Variants in NRG1 observed in about 807,000 individuals in gnomAD.
NRG1 encodes the protein neuregulin 1, also known as pro-neuregulin-1, membrane-bound isoform.
NRG1 carries 18 observed loss-of-function variants against 63.8 expected under a neutral mutation model. The observed-to-expected ratio is 0.28, with a 90% CI of 0.19 to 0.42. NRG1 has a LOEUF of 0.42. NRG1 is among the 10% of genes least tolerant of loss of function. NRG1 has a pLI of 1.00. For missense variants in NRG1, 762 were observed against 814.7 expected (o/e 0.94, Z 0.79); for synonymous variants, 302 against 301.3 (o/e 1.00, Z -0.02).
chr8:31,964,233 T>C (rs1805949579), intron 1 of NRG1, among the ~76,000 whole-genome samples: 1 of 152,186 alleles, frequency 6.6e-6, no homozygotes. Context: ...TGAATAATGT[T>C]GTGAAACAGA....
At chr8:32,356,234 G>T (rs1806369261) in intron 1 of NRG1, among the ~76,000 whole-genome samples, 1 of 152,178 alleles carries the variant, frequency 6.6e-6, no homozygotes. Flanking sequence ...TGTTAAAAAT[G>T]TTTAAAGTTC....
At chr8:32,143,251 GA>G (rs1836491477) in intron 1 of NRG1, among the ~76,000 whole-genome samples, 1 of 151,696 alleles carries the variant, frequency 6.6e-6, no homozygotes, top group Non-Finnish European at 1.5e-5. Flanking sequence ...TTTGGGGGGG[GA>G]AGAAATAATT....
intron 1 of NRG1, among the ~76,000 whole-genome samples, chr8:32,164,925 T>C (rs1839240190): frequency 6.6e-6 from 1 of 152,164 alleles, no homozygotes; most frequent in Admixed American, 6.5e-5. Flanking sequence ...GGAGTTACAA[T>C]GTCCCAAAGG....
intron 1 of NRG1, among the ~76,000 whole-genome samples, chr8:32,303,183 C>CAAAAAAAAAAAAAAAAAAAAAAAA (rs1563291349): frequency 6.7e-5 from 4 of 59,706 alleles, no homozygotes; most frequent in African/African-American, 1.5e-4. Context: ...AACTCAGTCT[C>CAAAAAAAAAAAAAAAAAAAAAAAA]CAAAAAAAAA....
intron 1 of NRG1, among the ~76,000 whole-genome samples, chr8:31,712,255 CTTTTTTTT>C (rs57363109): frequency 1.4e-5 from 1 of 72,352 alleles, no homozygotes; most frequent in African/African-American, 5.8e-5. Context: ...TCTTCATGAT[CTTTTTTTT>C]TTTTTTTTTT....
intron 1 of NRG1, among the ~76,000 whole-genome samples, chr8:31,811,462 C>A (rs1193791378): frequency 6.6e-6 from 1 of 152,116 alleles, no homozygotes; most frequent in African/African-American, 2.4e-5. Flanking sequence ...TGCACTTATT[C>A]TAAAATATGA....
At chr8:31,799,726 G>A (rs553817042) in intron 1 of NRG1, among the ~76,000 whole-genome samples, 2 of 151,928 alleles carry the variant, frequency 1.3e-5, no homozygotes, top group East Asian at 3.9e-4. Flanking sequence ...TTTTGTGTAT[G>A]CATAGATATA....
At chr8:32,312,288 T>C (rs199696497) in intron 1 of NRG1, among the ~76,000 whole-genome samples, 1 of 147,712 alleles carries the variant, frequency 6.8e-6, no homozygotes. Context: ...CTCAGCCTCC[T>C]GAGTAGCTGG....
intron 1 of NRG1, among the ~76,000 whole-genome samples, chr8:31,911,131 G>C (rs1285873210): frequency 6.6e-6 from 1 of 151,258 alleles, no homozygotes; most frequent in Admixed American, 6.6e-5. Flanking sequence ...GTTTCCATGA[G>C]TAGTTAAGCT....
At chr8:32,633,620 C>G (rs187153087) in intron 5 of NRG1, among the ~76,000 whole-genome samples, 117 of 152,238 alleles carry the variant, frequency 7.7e-4, no homozygotes, top group African/African-American at 2.7e-3. Flanking sequence ...AAATAGAATC[C>G]ATTATAAGAC....
intron 1 of NRG1, among the ~76,000 whole-genome samples, chr8:32,338,868 C>T (rs1377485785): frequency 3.9e-5 from 6 of 152,120 alleles, no homozygotes; most frequent in Non-Finnish European, 5.9e-5. Context: ...TTAAGCATCT[C>T]ACATCAGTTG....
chr8:32,310,855 T>C (rs1424449827), intron 1 of NRG1, among the ~76,000 whole-genome samples: 1 of 152,204 alleles, frequency 6.6e-6, no homozygotes, highest in African/African-American at 2.4e-5. Flanking sequence ...CTTGGACTTC[T>C]TCCCCCTCAC....
intron 1 of NRG1, among the ~76,000 whole-genome samples, chr8:32,312,828 TC>T (rs1340037617): frequency 2.0e-5 from 3 of 151,988 alleles, no homozygotes; most frequent in African/African-American, 7.3e-5. Flanking sequence ...CTGTTTGCCT[TC>T]CTTCCTTCCT....
chr8:31,892,136 G>A (rs980588924), intron 1 of NRG1, among the ~76,000 whole-genome samples: 1 of 151,964 alleles, frequency 6.6e-6, no homozygotes, highest in African/African-American at 2.4e-5. Context: ...CTGGGTAAAG[G>A]GCAAATGGAA....
At position 31,828,428 on chromosome 8, in the gene NRG1, C is replaced by T. The variant is rs543203949; in HGVS notation, c.37+188997C>T. 3.9e-5 allele frequency among the ~76,000 whole-genome samples: 6 copies of T among 152,140 alleles called. No homozygotes were observed. In the East Asian group the frequency reaches 5.8e-4, roughly 15 times the overall value. On this transcript the variant is annotated intron_variant, in intron 1 of 10. Coordinates refer to the NRG1 transcript ENST00000519301. ...CATTAAAGGGTCAAAATTATAGCTG[C>T]GTGGAGCTAAGGTCATGGCAGAACC...
chr8:32,469,680 A>G (rs1253404147), intron 1 of NRG1, among the ~76,000 whole-genome samples: 1 of 152,172 alleles, frequency 6.6e-6, no homozygotes, highest in Admixed American at 6.5e-5. Flanking sequence ...AAATTTGTAA[A>G]TTGTTAGGGA....
chr8:31,734,744 A>G (rs1275862753), intron 1 of NRG1, among the ~76,000 whole-genome samples: 1 of 152,200 alleles, frequency 6.6e-6, no homozygotes, highest in Non-Finnish European at 1.5e-5. Context: ...GGGCTGATAA[A>G]TGTGTGTGTT....
chr8:32,556,763 T>A (rs1835249992), intron 1 of NRG1, among the ~76,000 whole-genome samples: 1 of 152,198 alleles, frequency 6.6e-6, no homozygotes, highest in Non-Finnish European at 1.5e-5. Flanking sequence ...ACTGTATATG[T>A]TTATAACTCA....
chr8:32,617,798 A>T (rs2129542029), intron 5 of NRG1, among the ~76,000 whole-genome samples: 1 of 152,316 alleles, frequency 6.6e-6, no homozygotes, highest in Admixed American at 6.5e-5. Flanking sequence ...ACTCATGAAA[A>T]GAAAGTCTGT....
Sources: allele counts gnomAD v4.1 joint callset (sites outside exome capture counted in the v4.1 genomes callset), GRCh38; gene constraint gnomAD v4.1.1; transcripts MANE v1.5; gene names NCBI Gene and HGNC (gene_info 2026-07-23, HGNC 2026-07-21).